The following PTPRN2 variants were observed in gnomAD, a reference collection of about 807,000 sequenced individuals.
PTPRN2 encodes the protein receptor-type tyrosine-protein phosphatase N2.
PTPRN2 carries 74 observed loss-of-function variants against 118.8 expected under a neutral mutation model. The ratio of observed to expected loss-of-function variants is 0.62; its 90% CI spans 0.52 to 0.76. The LOEUF (loss-of-function observed/expected upper bound fraction) is 0.76. Ranked by LOEUF, PTPRN2 falls within the 30% of genes least tolerant of loss-of-function variation. PTPRN2 has a pLI of 0.00. For missense variants in PTPRN2, 1,481 were observed against 1,394.4 expected, an observed-to-expected ratio of 1.06 and a Z score of -0.99; for synonymous variants, 641 against 608.0, an observed-to-expected ratio of 1.05 and a Z score of -0.80.
rs1484367963 is a variant in PTPRN2, at chr7:157,990,719, G to A, written c.1723+90579C>T. ...GCTGGGCCGGTGCTCAGGAGCTGGG[G>A]CTGCCTGGGGCACAAAGCACGTGGA... On this transcript the variant is annotated intron_variant, in intron 11 of 22. Transcript: ENST00000389418. This position sits in a 1 kb window ranked among gnomAD's most constrained non-coding sequence, Gnocchi z 4.3. 1.3e-5 allele frequency among the ~76,000 whole-genome samples: 2 copies of A among 152,212 alleles called. No individual in the cohort carries two copies. Among genetic ancestry groups the A allele is most frequent in the East Asian group, 3.9e-4 (2 of 5,182 alleles).
chr7:157,564,984 T>C (rs1032124674), intron 21 of PTPRN2, among the ~76,000 whole-genome samples: 2 of 152,242 alleles, frequency 1.3e-5, no homozygotes, highest in Non-Finnish European at 2.9e-5. Flanking sequence ...AAAATGGAAG[T>C]TAGTGCTGAC....
At chr7:157,740,935 T>C (rs141435807) in intron 12 of PTPRN2, among the ~76,000 whole-genome samples, 2 of 152,218 alleles carry the variant, frequency 1.3e-5, no homozygotes, top group African/African-American at 2.4e-5. Flanking sequence ...GGAAAACCCA[T>C]GGGCCACTTT....
At chr7:157,806,068 G>A (rs1480516763) in intron 12 of PTPRN2, among the ~76,000 whole-genome samples, 1 of 152,158 alleles carries the variant, frequency 6.6e-6, no homozygotes, top group Non-Finnish European at 1.5e-5. Context: ...GTAGAGAGCA[G>A]ACTATCACAA....
intron 2 of PTPRN2, among the ~76,000 whole-genome samples, chr7:158,474,718 C>T (rs1820119920): frequency 6.6e-6 from 1 of 152,150 alleles, no homozygotes; most frequent in African/African-American, 2.4e-5. Flanking sequence ...GGCGGGTGCC[C>T]ATCTGAGAGG....
chr7:157,843,671 G>T (rs1250738598), intron 12 of PTPRN2, among the ~76,000 whole-genome samples: 1 of 152,204 alleles, frequency 6.6e-6, no homozygotes, highest in East Asian at 1.9e-4. Flanking sequence ...AAAAATTTGG[G>T]AACACACATT....
chr7:158,385,189 C>T (rs538429528), intron 2 of PTPRN2, among the ~76,000 whole-genome samples: 2 of 152,304 alleles, frequency 1.3e-5, no homozygotes, highest in South Asian at 4.1e-4. Flanking sequence ...TCTTTGTAAA[C>T]CAATCATACC....
At chr7:157,796,869 T>C (rs1319048255) in intron 12 of PTPRN2, among the ~76,000 whole-genome samples, 1 of 151,990 alleles carries the variant, frequency 6.6e-6, no homozygotes, top group Non-Finnish European at 1.5e-5. Flanking sequence ...CATTCAAAAA[T>C]CACCCCCAAG....
intron 3 of PTPRN2, among the ~76,000 whole-genome samples, chr7:158,315,505 G>A (rs1802241748): frequency 6.7e-6 from 1 of 148,962 alleles, no homozygotes; most frequent in Non-Finnish European, 1.5e-5. Context: ...CGCCCTCAAG[G>A]ACAGAGGTGA....
intron 2 of PTPRN2, among the ~76,000 whole-genome samples, chr7:158,457,816 A>T (rs1399311052): frequency 6.7e-6 from 1 of 149,444 alleles, no homozygotes; most frequent in Non-Finnish European, 1.5e-5. Flanking sequence ...TTAACACCAG[A>T]CCTCCCCCTC....
At position 158,243,102 on chromosome 7, in the gene PTPRN2, G is replaced by A. The variant is rs140137200; in HGVS notation, c.278-37829C>T. The stretch of plus-strand genomic sequence containing the variant: ...ATTTCCTAGTGCCTTGGGGTGTAAT[G>A]TTAGGTTGATTAGAAAACAAAATAA... On this transcript the variant is annotated intron_variant, in intron 3 of 22. Coordinates refer to ENST00000389418, the MANE Select transcript of PTPRN2 (RefSeq NM_002847.5). 3.4e-3 allele frequency among the ~76,000 whole-genome samples: 525 copies of A among 152,266 alleles called. 4 individuals are homozygous for A. Among genetic ancestry groups the A allele is most frequent in the African/African-American group, 0.012 (500 of 41,542 alleles).
At chr7:158,171,344 T>TACACACACACACATTTTTTTAAG (rs1563555950) in intron 5 of PTPRN2, among the ~76,000 whole-genome samples, 1 of 122,324 alleles carries the variant, frequency 8.2e-6, no homozygotes. Flanking sequence ...TATATATATA[T>TACACACACACACATTTTTTTAAG]ATATACACAC....
chr7:158,104,422 T>C (rs1041019451), intron 10 of PTPRN2, among the ~76,000 whole-genome samples: 1 of 151,936 alleles, frequency 6.6e-6, no homozygotes, highest in African/African-American at 2.4e-5. Flanking sequence ...AAAAAAGTCA[T>C]AGATGAGGAA....
intron 17 of PTPRN2, among the ~76,000 whole-genome samples, chr7:157,581,733 C>T (rs1441902920): frequency 6.6e-6 from 1 of 152,244 alleles, no homozygotes; most frequent in African/African-American, 2.4e-5. Context: ...CAACGCTGTC[C>T]TCCCCACAGC....
intron 3 of PTPRN2, among the ~76,000 whole-genome samples, chr7:158,255,086 T>G (rs1796940789): frequency 6.6e-6 from 1 of 152,150 alleles, no homozygotes; most frequent in Non-Finnish European, 1.5e-5. Context: ...TGTCTTCTGG[T>G]GTTGAGTGAC....
At chr7:158,114,219 A>C (rs1246946577) in intron 9 of PTPRN2, among the ~76,000 whole-genome samples, 1 of 152,156 alleles carries the variant, frequency 6.6e-6, no homozygotes, top group Admixed American at 6.5e-5. Flanking sequence ...GAGTGGGCCA[A>C]GGACTCACCA....
intron 12 of PTPRN2, among the ~76,000 whole-genome samples, chr7:157,748,612 T>C (rs111548515): frequency 0.013 from 1,506 of 119,948 alleles, 182 homozygotes; most frequent in Admixed American, 0.027. Context: ...GTCCCTGAGC[T>C]GTGGGCTGTT....
intron 1 of PTPRN2, among the ~76,000 whole-genome samples, chr7:158,549,737 C>T (rs1826525598): frequency 6.6e-6 from 1 of 152,224 alleles, no homozygotes; most frequent in South Asian, 2.1e-4. Flanking sequence ...CAGATGGCTT[C>T]GGAAAACCCC....
intron 14 of PTPRN2, among the ~76,000 whole-genome samples, chr7:157,651,287 G>C (rs1159061097): frequency 6.6e-6 from 1 of 152,168 alleles, no homozygotes; most frequent in Non-Finnish European, 1.5e-5. Flanking sequence ...TCTGTGAAAT[G>C]GGCCTACTCA....
chr7:158,540,758 C>T lies in PTPRN2; in HGVS notation c.112+46800G>A, dbSNP rs542599083. ...CAAGGTCTCTTCTGCCCTTAAAATT[C>T]CATGAGCTTTTCCTTCAGTGTGGAA... On this transcript the variant is annotated intron_variant, in intron 1 of 22. Coordinates refer to ENST00000389418, the MANE Select transcript of PTPRN2 (RefSeq NM_002847.5). Among the ~76,000 whole-genome samples the T allele has an allele frequency of 4.6e-5, 7 of 152,330 alleles. No individual in the cohort carries two copies. In the South Asian group the frequency reaches 1.2e-3, roughly 27 times the overall value.
Sources: gnomAD v4.1 joint callset for allele counts (sites outside exome capture counted in the v4.1 genomes callset) on GRCh38, gnomAD v4.1.1 for gene constraint, Gnocchi (gnomAD v3.1) non-coding constraint, MANE v1.5 for transcripts, NCBI Gene and HGNC (gene_info 2026-07-23, HGNC 2026-07-21) for gene names.